CTNNA3: variants seen among roughly 807,000 people sequenced by gnomAD.
CTNNA3 encodes catenin alpha 3.
A neutral mutation model predicts 95.7 loss-of-function variants in CTNNA3; 76 were observed. The observed-to-expected ratio is 0.79, with a 90% CI of 0.66 to 0.96. The LOEUF (loss-of-function observed/expected upper bound fraction) is 0.96. Among genes scored for constraint, CTNNA3 ranks in the 40% least tolerant of loss-of-function variants. The probability of loss-of-function intolerance (pLI) is 0.00; values close to 1 mark genes in which losing one functional copy is unlikely to be tolerated. For missense variants in CTNNA3, 1,191 were observed against 1,089.8 expected (o/e 1.09, Z -1.31); for synonymous variants, 431 against 374.4 (o/e 1.15, Z -1.74).
At chr10:66,292,948 A>C (rs1376124869) in intron 12 of CTNNA3, among the ~76,000 whole-genome samples, 1 of 152,194 alleles carries the variant, frequency 6.6e-6, no homozygotes, top group East Asian at 1.9e-4. Flanking sequence ...ATATGAGCTA[A>C]GATCTCATTT....
intron 8 of CTNNA3, 137 bp from the exon 9 acceptor site, chr10:66,766,553 T>G (rs946795223): frequency 1.5e-6 from 1 of 675,268 alleles, no homozygotes; most frequent in African/African-American, 1.8e-5. Context: ...CTTAAAGATA[T>G]ACAAGAATGT....
chr10:67,611,153 A>G (rs1397336805), intron 2 of CTNNA3, among the ~76,000 whole-genome samples: 1 of 152,206 alleles, frequency 6.6e-6, no homozygotes, highest in Non-Finnish European at 1.5e-5. Context: ...ATTAAAATTA[A>G]GAGTATAAAA....
intron 7 of CTNNA3, among the ~76,000 whole-genome samples, chr10:67,092,189 A>G (rs1026029422): frequency 6.6e-6 from 1 of 152,014 alleles, no homozygotes; most frequent in Non-Finnish European, 1.5e-5. Flanking sequence ...CTAAACTATC[A>G]TCTTTTCAAC....
rs963580441 is a variant in CTNNA3 at position 66,077,071 on chromosome 10, T to C, written c.1978-7582A>G. The stretch of plus-strand genomic sequence containing the variant: ...GTATTAAGGAAAATTAAGAAGTGAT[T>C]GTTAATTTTGTTCAGTGTTGTGATC... On this transcript the variant is annotated intron_variant, in intron 14 of 17. Transcript: ENST00000433211. 9.2e-5 allele frequency among the ~76,000 whole-genome samples: 14 copies of C among 151,858 alleles called. 2 individuals are homozygous for C. Among genetic ancestry groups the C allele is most frequent in the Admixed American group, 7.2e-4 (11 of 15,206 alleles).
chr10:67,372,176 T>A (rs1843493615), intron 5 of CTNNA3, among the ~76,000 whole-genome samples: 1 of 152,178 alleles, frequency 6.6e-6, no homozygotes, highest in South Asian at 2.1e-4. Flanking sequence ...ATTCTGTAGG[T>A]TGCCTATTCA....
At chr10:67,675,020 AT>A (rs1282499501) in intron 1 of CTNNA3, among the ~76,000 whole-genome samples, 1 of 152,116 alleles carries the variant, frequency 6.6e-6, no homozygotes, top group Admixed American at 6.6e-5. Flanking sequence ...TAATGAGTAG[AT>A]AAAGTATCCC....
intron 10 of CTNNA3, among the ~76,000 whole-genome samples, chr10:66,570,429 C>T (rs1332643592): frequency 2.6e-5 from 4 of 152,054 alleles, no homozygotes; most frequent in Non-Finnish European, 4.4e-5. Context: ...GATGGGATTA[C>T]AGGCACATGC....
At chr10:67,251,001 A>C (rs753196441) in intron 5 of CTNNA3, among the ~76,000 whole-genome samples, 5 of 152,218 alleles carry the variant, frequency 3.3e-5, no homozygotes, top group Non-Finnish European at 7.3e-5. Context: ...AGAGAAATGA[A>C]AACATATGTC....
upstream of CTNNA3, among the ~76,000 whole-genome samples, chr10:67,699,253 A>G (rs1162514798): frequency 6.6e-6 from 1 of 152,080 alleles, no homozygotes; most frequent in Non-Finnish European, 1.5e-5. Context: ...TGTGGTTGCT[A>G]CTTAGTTCTC....
At chr10:66,390,025 T>A (rs1345396354) in intron 11 of CTNNA3, among the ~76,000 whole-genome samples, 1 of 152,180 alleles carries the variant, frequency 6.6e-6, no homozygotes, top group Non-Finnish European at 1.5e-5. Flanking sequence ...AGTGAGCCCC[T>A]GCACCTGGCC....
intron 13 of CTNNA3, among the ~76,000 whole-genome samples, chr10:66,190,488 G>A (rs1473960233): frequency 6.6e-6 from 1 of 152,016 alleles, no homozygotes; most frequent in African/African-American, 2.4e-5. Context: ...TGGTCTGAGT[G>A]GACTAGATAA....
intron 12 of CTNNA3, among the ~76,000 whole-genome samples, chr10:66,349,168 TC>T (rs1190878871): frequency 1.6e-4 from 24 of 152,190 alleles, no homozygotes; most frequent in South Asian, 2.1e-4. Context: ...GTTGGGGAAA[TC>T]ATACAGCAAA....
intron 11 of CTNNA3, among the ~76,000 whole-genome samples, chr10:66,390,343 C>A (rs897465639): frequency 6.6e-6 from 1 of 152,072 alleles, no homozygotes; most frequent in South Asian, 2.1e-4. Context: ...AGAAATGATA[C>A]ACTATCAACA....
At chr10:65,992,141 T>A (rs187843093) in intron 15 of CTNNA3, among the ~76,000 whole-genome samples, 4 of 152,288 alleles carry the variant, frequency 2.6e-5, no homozygotes, top group Non-Finnish European at 5.9e-5. Context: ...GCTGTTTGAT[T>A]AATTTTGCTA....
chr10:66,901,305 C>T (rs1180012692), intron 7 of CTNNA3, among the ~76,000 whole-genome samples: 2 of 152,096 alleles, frequency 1.3e-5, no homozygotes, highest in African/African-American at 2.4e-5. Context: ...GAAATAAAAT[C>T]GTTTACAGAT....
chr10:67,726,937 A>G (rs1158454500), intron 1 of CTNNA3, among the ~76,000 whole-genome samples: 2 of 117,072 alleles, frequency 1.7e-5, no homozygotes, highest in South Asian at 4.8e-4. Context: ...TATATCATAT[A>G]TCATATATAT....
intron 7 of CTNNA3, among the ~76,000 whole-genome samples, chr10:66,983,905 A>G (rs1161103159): frequency 3.3e-5 from 5 of 152,236 alleles, no homozygotes; most frequent in Admixed American, 3.3e-4. Context: ...GCTCTATGCT[A>G]AGTCCTTTGC....
chr10:66,836,807 A>G (rs1322543699), intron 7 of CTNNA3, among the ~76,000 whole-genome samples: 1 of 152,282 alleles, frequency 6.6e-6, no homozygotes, highest in African/African-American at 2.4e-5. Flanking sequence ...AACCTCTACT[A>G]AACTATTCTG....
At chr10:67,741,606 C>A (rs1019661255) in intron 1 of CTNNA3, among the ~76,000 whole-genome samples, 1 of 151,062 alleles carries the variant, frequency 6.6e-6, no homozygotes, top group Non-Finnish European at 1.5e-5. Context: ...AACTAATGAG[C>A]AAAATAACCA....
Sources: allele counts gnomAD v4.1 joint callset (sites outside exome capture counted in the v4.1 genomes callset), GRCh38; gene constraint gnomAD v4.1.1; transcripts MANE v1.5; gene names NCBI Gene and HGNC (gene_info 2026-07-23, HGNC 2026-07-21).